Variants in CLDN1 observed in about 807,000 individuals in gnomAD.
The protein encoded by CLDN1 is claudin-1.
In CLDN1, 12 loss-of-function variants were observed where a neutral mutation model predicts 22.6. The observed-to-expected ratio is 0.53, with a 90% CI of 0.34 to 0.86. The LOEUF (loss-of-function observed/expected upper bound fraction) is 0.86, where lower values mean the gene tolerates loss of function less well. Ranked by LOEUF, CLDN1 falls within the 40% of genes least tolerant of loss-of-function variation. The probability of loss-of-function intolerance (pLI) is 0.02; values close to 1 mark genes in which losing one functional copy is unlikely to be tolerated. For synonymous variants in CLDN1, 99 were observed against 103.8 expected (o/e 0.95, Z 0.28); for missense variants, 250 against 269.5 (o/e 0.93, Z 0.51).
At chr3:190,318,934 A>G (rs1716841382) in intron 1 of CLDN1, among the ~76,000 whole-genome samples, 1 of 152,186 alleles carries the variant, frequency 6.6e-6, no homozygotes, top group Non-Finnish European at 1.5e-5. Flanking sequence ...AGCAAGTTAA[A>G]CAGGCTAGAG....
At chr3:190,317,699 A>G (rs1716807157) in intron 1 of CLDN1, among the ~76,000 whole-genome samples, 1 of 152,214 alleles carries the variant, frequency 6.6e-6, no homozygotes, top group Non-Finnish European at 1.5e-5. Flanking sequence ...CCCACAGGTA[A>G]CTAAATCTGC....
chr3:190,322,273 G>T lies in CLDN1; in HGVS notation c.-67C>A. Reference sequence around the variant, plus strand: ...CAGAAGGCGGAGAGTTTGCAGGTGGGCAACCCGGACTCCCGAAGGTGGCTG... The same window carrying T: ...CAGAAGGCGGAGAGTTTGCAGGTGGTCAACCCGGACTCCCGAAGGTGGCTG... On this transcript the variant is annotated 5_prime_UTR_variant, in exon 1 of 4. Coordinates refer to ENST00000295522, the MANE Select transcript of CLDN1 (RefSeq NM_021101.5). The T allele has an allele frequency of 7.0e-7, 1 of 1,435,428 alleles. No individual in the cohort carries two copies. The highest frequency in any genetic ancestry group is 9.7e-7 in the Non-Finnish European group (1 of 1,030,144). 88.9% of individuals were successfully genotyped at this position (1,435,428 alleles called of 1,614,324 possible).
chr3:190,311,608 T>A (rs566239905), intron 2 of CLDN1, among the ~76,000 whole-genome samples: 17 of 151,104 alleles, frequency 1.1e-4, no homozygotes, highest in Middle Eastern at 7.1e-3. Context: ...GTTATTTTTT[T>A]AAAATAATAT....
In CLDN1 at chr3:190,308,154, T is replaced by A; in HGVS notation, c.*123A>T. The A allele has an allele frequency of 1.7e-6, 2 of 1,171,262 alleles. No homozygotes were observed. The highest frequency in any genetic ancestry group is 2.5e-6 in the Non-Finnish European group (2 of 785,312). 72.6% of individuals were successfully genotyped at this position (1,171,262 alleles called of 1,614,324 possible). A position where few individuals can be genotyped will look rare whatever the true frequency, so the allele number is the denominator to read the frequency against. On this transcript the variant is annotated 3_prime_UTR_variant, in exon 4 of 4. Coordinates refer to ENST00000295522, the MANE Select transcript of CLDN1 (RefSeq NM_021101.5). ...ACACATGGGTTTTTTGTTTGTTTGT[T>A]TGTTTTGTAATACCATACTTCAGAT...
chr3:190,314,641 T>A (rs945048999), intron 1 of CLDN1, among the ~76,000 whole-genome samples: 2 of 151,938 alleles, frequency 1.3e-5, no homozygotes, highest in Admixed American at 1.3e-4. Context: ...TGAGTTCAGG[T>A]GGTCTGCCCA....
chr3:190,321,901 TCA>T, intron 1 of CLDN1, 81 bp downstream of exon 1: 1 of 993,098 alleles, frequency 1.0e-6, no homozygotes, highest in Non-Finnish European at 1.6e-6. Flanking sequence ...AACCATGGAA[TCA>T]CACAACAGAA....
At chr3:190,310,924 T>C (rs1401127094) in intron 2 of CLDN1, among the ~76,000 whole-genome samples, 1 of 152,212 alleles carries the variant, frequency 6.6e-6, no homozygotes, top group East Asian at 1.9e-4. Context: ...GTCAAAATCA[T>C]TCACTTAATC....
At chr3:190,308,540 T>C in intron 3 of CLDN1, 101 bp from the exon 4 acceptor site, 1 of 1,136,874 alleles carries the variant, frequency 8.8e-7, no homozygotes, top group Non-Finnish European at 1.3e-6. Context: ...ATTTTTTTCA[T>C]TGAAAATAAC....
Position 190,322,273 on chromosome 3 carries a change from G to A in CLDN1, c.-67C>T. ...CAGAAGGCGGAGAGTTTGCAGGTGG[G>A]CAACCCGGACTCCCGAAGGTGGCTG... On this transcript the variant is annotated 5_prime_UTR_variant, in exon 1 of 4. Coordinates refer to ENST00000295522, the MANE Select transcript of CLDN1 (RefSeq NM_021101.5). 1 of 1,435,426 alleles carries A rather than the reference G, an allele frequency of 7.0e-7. No homozygotes were observed. The highest frequency in any genetic ancestry group is 1.2e-5 in the South Asian group (1 of 86,128). 88.9% of individuals were successfully genotyped at this position (1,435,426 alleles called of 1,614,324 possible).
At chr3:190,308,580 G>T in intron 3 of CLDN1, 141 bp from the exon 4 acceptor site, 3 of 823,262 alleles carry the variant, frequency 3.6e-6, no homozygotes, top group Non-Finnish European at 5.9e-6. Context: ...AGTACTTTAA[G>T]ATTTCTGAAC....
At position 190,322,366 on chromosome 3, in the gene CLDN1, G is replaced by A; in HGVS notation, c.-160C>T. 1 of 699,458 alleles carries A rather than the reference G, an allele frequency of 1.4e-6. No homozygotes were observed. Among genetic ancestry groups the A allele is most frequent in the Non-Finnish European group, 2.5e-6 (1 of 406,110 alleles). 43.3% of individuals were successfully genotyped at this position (699,458 alleles called of 1,614,324 possible). A position where few individuals can be genotyped will look rare whatever the true frequency, so the allele number is the denominator to read the frequency against. ...GCCGCCGCTGGAGAAGCTCTGGGTC[G>A]GGGTTGGGGTCCGCGCCCGGGGCGG... On this transcript the variant is annotated 5_prime_UTR_variant, in exon 1 of 4. Transcript: ENST00000295522.
chr3:190,316,725 G>T (rs1716780048), intron 1 of CLDN1, among the ~76,000 whole-genome samples: 2 of 152,064 alleles, frequency 1.3e-5, no homozygotes, highest in Non-Finnish European at 1.5e-5. Flanking sequence ...AAGTCACATG[G>T]ATTTATCAAA....
In CLDN1 at chr3:190,305,752, A is replaced by C. The variant is rs1313441639; in HGVS notation, c.*2525T>G. On this transcript the variant is annotated 3_prime_UTR_variant, in exon 4 of 4. Coordinates refer to ENST00000295522, the MANE Select transcript of CLDN1 (RefSeq NM_021101.5). ...ATTTATTGAAAAAGAGTAATGCTTT[A>C]TACAAATTCCTATTATAAAACCCCA... 5.3e-5 allele frequency: 8 copies of C among 152,190 alleles called. No individual in the cohort carries two copies. 9.4% of individuals were successfully genotyped at this position (152,190 alleles called of 1,614,324 possible).
chr3:190,307,651 T>C lies in CLDN1; in HGVS notation c.*626A>G, dbSNP rs1187335735. 6.6e-6 allele frequency: 1 copy of C among 152,198 alleles called. No homozygotes were observed. The highest frequency in any genetic ancestry group is 1.5e-5 in the Non-Finnish European group (1 of 68,088). The allele number at this position is 152,198 out of a possible 1,614,324, so 9.4% of individuals were successfully genotyped here. A position where few individuals can be genotyped will look rare whatever the true frequency, so the allele number is the denominator to read the frequency against. Reference sequence around the variant, plus strand: ...AATGAAACACAAAACAAATAAGGGCTTAATAACGATGCAAGTGCTATAAGA... The same window carrying C: ...AATGAAACACAAAACAAATAAGGGCCTAATAACGATGCAAGTGCTATAAGA... On this transcript the variant is annotated 3_prime_UTR_variant, in exon 4 of 4. Coordinates refer to ENST00000295522, the MANE Select transcript of CLDN1 (RefSeq NM_021101.5).
At chr3:190,319,982 A>T (rs1716874743) in intron 1 of CLDN1, among the ~76,000 whole-genome samples, 1 of 152,230 alleles carries the variant, frequency 6.6e-6, no homozygotes, top group Non-Finnish European at 1.5e-5. Flanking sequence ...GGCCTAAGCC[A>T]CACCTTGGAT....
At chr3:190,313,418 T>C (rs1040504679) in intron 1 of CLDN1, among the ~76,000 whole-genome samples, 4 of 152,238 alleles carry the variant, frequency 2.6e-5, no homozygotes, top group Non-Finnish European at 4.4e-5. Context: ...TCATATATAC[T>C]ATCCTGGATG....
chr3:190,314,429 C>G (rs577813836), intron 1 of CLDN1, among the ~76,000 whole-genome samples: 1 of 152,152 alleles, frequency 6.6e-6, no homozygotes, highest in Non-Finnish European at 1.5e-5. Context: ...GAGTCTTGCT[C>G]TGTTGCCCAG....
intron 1 of CLDN1, among the ~76,000 whole-genome samples, chr3:190,318,434 A>G (rs944225821): frequency 3.9e-5 from 6 of 152,216 alleles, no homozygotes; most frequent in Admixed American, 3.9e-4. Context: ...AACTCATCTT[A>G]GCTGCACCAT....
intron 1 of CLDN1, among the ~76,000 whole-genome samples, chr3:190,321,172 C>T (rs1716911591): frequency 6.6e-6 from 1 of 152,190 alleles, no homozygotes; most frequent in Admixed American, 6.5e-5. Flanking sequence ...ATTTCATCAG[C>T]TATGACTATT....
Sources: gnomAD v4.1 joint callset for allele counts (sites outside exome capture counted in the v4.1 genomes callset) on GRCh38, gnomAD v4.1.1 for gene constraint, MANE v1.5 for transcripts, NCBI Gene and HGNC (gene_info 2026-07-23, HGNC 2026-07-21) for gene names.